HIPK3: variants seen among roughly 807,000 people sequenced by gnomAD.
The protein encoded by HIPK3 is homeodomain interacting protein kinase 3, also known as homeodomain-interacting protein kinase 3.
Under a neutral mutation model 124.2 loss-of-function variants are expected in HIPK3, and 47 were observed. The observed-to-expected ratio is 0.38, with a 90% CI of 0.30 to 0.48. The LOEUF is 0.48. HIPK3 is among the 20% of genes least tolerant of loss of function. The pLI is 0.98. For missense variants in HIPK3, 1,286 were observed against 1,454.3 expected, an observed-to-expected ratio of 0.88 and a Z score of 1.88; for synonymous variants, 482 against 515.2, an observed-to-expected ratio of 0.94 and a Z score of 0.87.
chr11:33,311,837 T>TACACACACACAC (rs370396153), intron 2 of HIPK3, among the ~76,000 whole-genome samples: 13,284 of 104,192 alleles, frequency 0.13, 1,441 homozygotes, highest in East Asian at 0.18. Context: ...ACCCTGTTTC[T>TACACACACACAC]ACACACACAC....
chr11:33,262,780 T>A (rs267447), intron 1 of HIPK3, among the ~76,000 whole-genome samples: 140,865 of 152,154 alleles, frequency 0.93, 65,363 homozygotes, highest in East Asian at 1. Context: ...TTTATATTTG[T>A]TCTTTTCTCT....
intron 1 of HIPK3, chr11:33,258,298 G>C (rs1565048284): frequency 5.1e-6 from 5 of 985,070 alleles, no homozygotes; most frequent in African/African-American, 1.7e-5. Flanking sequence ...CCCCTCCGCA[G>C]TCCTAGGCCG....
At chr11:33,321,892 A>G (rs1343491989) in intron 2 of HIPK3, among the ~76,000 whole-genome samples, 1 of 152,136 alleles carries the variant, frequency 6.6e-6, no homozygotes, top group Non-Finnish European at 1.5e-5. Context: ...AGTATTTGAA[A>G]TCTAGCTCTA....
intron 2 of HIPK3, among the ~76,000 whole-genome samples, chr11:33,291,729 CT>C (rs1851703419): frequency 6.6e-6 from 1 of 151,942 alleles, no homozygotes; most frequent in Non-Finnish European, 1.5e-5. Flanking sequence ...ATTTCTTTTT[CT>C]TTTTCTTTCT....
intron 6 of HIPK3, 93 bp downstream of exon 6, chr11:33,339,627 C>G: frequency 1.1e-6 from 1 of 900,758 alleles, no homozygotes; most frequent in Non-Finnish European, 1.7e-6. Flanking sequence ...CTTCATTAAA[C>G]ACAAGTAACC....
chr11:33,285,170 A>C (rs1465844763), intron 1 of HIPK3, among the ~76,000 whole-genome samples: 1 of 152,202 alleles, frequency 6.6e-6, no homozygotes, highest in Admixed American at 6.5e-5. Context: ...AATGTTGGCT[A>C]TTTCAGCCTC....
At chr11:33,272,223 C>T (rs1244407887) in intron 1 of HIPK3, among the ~76,000 whole-genome samples, 2 of 151,990 alleles carry the variant, frequency 1.3e-5, no homozygotes, top group Non-Finnish European at 2.9e-5. Flanking sequence ...CATGGTGAAA[C>T]CCCATCTCTA....
intron 1 of HIPK3, among the ~76,000 whole-genome samples, chr11:33,284,811 A>AC (rs1851505491): frequency 6.6e-6 from 1 of 152,200 alleles, no homozygotes; most frequent in Non-Finnish European, 1.5e-5. Flanking sequence ...ATGGAGTATT[A>AC]CTTAAAGTGA....
At chr11:33,277,565 C>T (rs1590349091) in intron 1 of HIPK3, among the ~76,000 whole-genome samples, 1 of 152,122 alleles carries the variant, frequency 6.6e-6, no homozygotes, top group South Asian at 2.1e-4. Flanking sequence ...TATGACTAAG[C>T]CACAATATCC....
chr11:33,312,775 T>A (rs1375631293), intron 2 of HIPK3, among the ~76,000 whole-genome samples: 1 of 152,246 alleles, frequency 6.6e-6, no homozygotes, highest in African/African-American at 2.4e-5. Context: ...TAACTTGTGA[T>A]GCTTTTGGGT....
intron 1 of HIPK3, among the ~76,000 whole-genome samples, chr11:33,264,403 G>A (rs1850903142): frequency 6.6e-6 from 1 of 152,058 alleles, no homozygotes; most frequent in African/African-American, 2.4e-5. Flanking sequence ...GATGAGGTCT[G>A]ACCCTGCTTA....
At position 33,348,688 on chromosome 11, in the gene HIPK3, G is replaced by C; in HGVS notation, c.2536G>C (p.Asp846His). Residue 846 changes from aspartate (D) to histidine (H), a missense_variant, in exon 13 of 17, where the codon GAT becomes CAT. By Grantham distance (81) the Asp-to-His change is moderately conservative (BLOSUM62 -1). Coordinates refer to ENST00000303296, the MANE Select transcript of HIPK3 (RefSeq NM_005734.5). ...CCETSIRQDS[D>H]SSVSDKQRQT... ...TGAAACATCTATCAGACAGGACTCT[G>C]ATTCATCAGTTTCAGACAAACAGCG... is the stretch of plus-strand genomic sequence containing the variant. 2 of 1,614,186 alleles carry C rather than the reference G, an allele frequency of 1.2e-6. No individual in the cohort carries two copies. Among genetic ancestry groups the C allele is most frequent in the Non-Finnish European group, 1.7e-6 (2 of 1,180,042 alleles).
chr11:33,257,766 G>C lies in HIPK3; in HGVS notation c.-126G>C, dbSNP rs1372980698. Reference sequence around the variant, plus strand: ...GCGGCCGCGGAGAGGGGCTGAGCCCGGGCTGGGTGGTGCCGCCTGCTGAAG... The same window carrying C: ...GCGGCCGCGGAGAGGGGCTGAGCCCCGGCTGGGTGGTGCCGCCTGCTGAAG... On this transcript the variant is annotated 5_prime_UTR_variant, in exon 1 of 17. Coordinates refer to ENST00000303296, the MANE Select transcript of HIPK3 (RefSeq NM_005734.5). The C allele has an allele frequency of 1.0e-6, 1 of 987,674 alleles. No individual in the cohort carries two copies. Among genetic ancestry groups the C allele is most frequent in the Non-Finnish European group, 1.2e-6 (1 of 831,614 alleles). The allele number at this position is 987,674 out of a possible 1,614,324, so 61.2% of individuals were successfully genotyped here.
intron 12 of HIPK3, 124 bp from the exon 13 acceptor site, chr11:33,348,398 A>G (rs764231421): frequency 1.7e-4 from 166 of 1,001,500 alleles, no homozygotes; most frequent in Non-Finnish European, 2.3e-4. Context: ...AAGATCTGTT[A>G]GTGTGTTATA....
chr11:33,351,145 C>T (rs1195806899), intron 14 of HIPK3, among the ~76,000 whole-genome samples: 3 of 152,040 alleles, frequency 2.0e-5, no homozygotes, highest in African/African-American at 7.3e-5. Flanking sequence ...TTTCAGATAC[C>T]TGGTTAGGTA....
intron 2 of HIPK3, among the ~76,000 whole-genome samples, chr11:33,309,522 T>C (rs1249440798): frequency 6.6e-6 from 1 of 152,252 alleles, no homozygotes; most frequent in Non-Finnish European, 1.5e-5. Flanking sequence ...TCCCTGGAAC[T>C]AATAGTAAGT....
chr11:33,287,134 A>G lies in HIPK3; in HGVS notation c.720A>G (p.Ile240Met). The G allele has an allele frequency of 6.2e-7, 1 of 1,614,224 alleles. No homozygotes were observed. The highest frequency in any genetic ancestry group is 8.5e-7 in the Non-Finnish European group (1 of 1,180,028). Residue 240 changes from isoleucine to methionine, a missense_variant, in exon 2 of 17, where the codon ATA becomes ATG. Around this residue, in one of 3 missense-constraint regions of HIPK3, gnomAD observed 251 missense variants for 349.1 expected, o/e 0.72. Coordinates refer to ENST00000303296, the MANE Select transcript of HIPK3 (RefSeq NM_005734.5). ...NHPSYARQGQ[I>M]EVSILARLST... ...CTTCTTATGCCCGTCAAGGTCAAAT[A>G]GAAGTGAGCATATTAGCAAGGCTCA...
At chr11:33,297,333 A>T (rs1000758738) in intron 2 of HIPK3, among the ~76,000 whole-genome samples, 1 of 152,130 alleles carries the variant, frequency 6.6e-6, no homozygotes, top group Non-Finnish European at 1.5e-5. Context: ...ACCTCAGGGG[A>T]TCCACCCAAC....
chr11:33,316,842 A>C (rs928614162), intron 2 of HIPK3, among the ~76,000 whole-genome samples: 2 of 152,216 alleles, frequency 1.3e-5, no homozygotes, highest in Non-Finnish European at 2.9e-5. Flanking sequence ...CAAAAAACCC[A>C]GAAAATTGTT....
Sources: gnomAD v4.1 joint callset for allele counts (sites outside exome capture counted in the v4.1 genomes callset) on GRCh38, gnomAD v4.1.1 for gene constraint, gnomAD v4.1.1 regional missense constraint, MANE v1.5 for transcripts, NCBI Gene and HGNC (gene_info 2026-07-23, HGNC 2026-07-21) for gene names.